The following NRXN3 variants were observed in gnomAD, a reference collection of about 807,000 sequenced individuals.
NRXN3 encodes neurexin III.
NRXN3 carries 32 observed loss-of-function variants against 137.6 expected under a neutral mutation model. That is an observed-to-expected ratio of 0.23 (90% CI 0.18 to 0.31). NRXN3 has a LOEUF of 0.31. NRXN3 is among the 10% of genes least tolerant of loss of function. The pLI is 1.00. For missense variants in NRXN3, 1,574 were observed against 2,062.5 expected (o/e 0.76, Z 4.59); for synonymous variants, 798 against 784.5 (o/e 1.02, Z -0.29).
intron 15 of NRXN3, among the ~76,000 whole-genome samples, chr14:79,276,426 G>A (rs965193428): frequency 6.6e-6 from 1 of 152,134 alleles, no homozygotes; most frequent in Non-Finnish European, 1.5e-5. Flanking sequence ...CCTCTGAAGA[G>A]TCTTCTCAGT....
chr14:79,042,092 C>T (rs1301525227), intron 15 of NRXN3, among the ~76,000 whole-genome samples: 2 of 152,160 alleles, frequency 1.3e-5, no homozygotes, highest in African/African-American at 2.4e-5. Flanking sequence ...AAAGGAAAGC[C>T]GGCCTTGTCA....
At position 78,655,763 on chromosome 14, in the gene NRXN3, C is replaced by G. The variant is rs368303190; in HGVS notation, c.1221+4437C>G. ...TAGATGAGCAATGTGTAAGTCCAGA[C>G]AGCTATTAAAAAGTATCATAGGCTG... On this transcript the variant is annotated intron_variant, in intron 6 of 20. Transcript: ENST00000335750. Among the ~76,000 whole-genome samples, 4 of 152,258 alleles carry G rather than the reference C, an allele frequency of 2.6e-5. No individual in the cohort carries two copies. The South Asian group carries it at 8.3e-4, about 32-fold the overall frequency.
intron 3 of NRXN3, among the ~76,000 whole-genome samples, chr14:78,295,264 A>G (rs2076203806): frequency 6.6e-6 from 1 of 152,028 alleles, no homozygotes; most frequent in Non-Finnish European, 1.5e-5. Flanking sequence ...ATTCATATCC[A>G]TTTTGCTTTA....
At chr14:78,659,375 T>TA (rs957046462) in intron 6 of NRXN3, among the ~76,000 whole-genome samples, 3 of 151,724 alleles carry the variant, frequency 2.0e-5, no homozygotes, top group Non-Finnish European at 2.9e-5. Flanking sequence ...GGGTTGACCA[T>TA]AAAAAAAAGA....
At chr14:78,738,597 G>A (rs1048283218) in intron 8 of NRXN3, among the ~76,000 whole-genome samples, 1 of 152,172 alleles carries the variant, frequency 6.6e-6, no homozygotes, top group South Asian at 2.1e-4. Flanking sequence ...CATGCTGTTT[G>A]TTGCACTGGC....
chr14:78,751,642 A>G (rs2098643006), intron 8 of NRXN3, among the ~76,000 whole-genome samples: 1 of 152,146 alleles, frequency 6.6e-6, no homozygotes, highest in Non-Finnish European at 1.5e-5. Context: ...TCTCTAATTA[A>G]GAGATTCCCA....
chr14:78,260,718 A>G (rs1477022154), intron 2 of NRXN3, among the ~76,000 whole-genome samples: 1 of 152,096 alleles, frequency 6.6e-6, no homozygotes, highest in Admixed American at 6.5e-5. Flanking sequence ...GCCATGTGAG[A>G]TGTGCCTTTC....
At chr14:79,280,225 T>C in intron 15 of NRXN3, 1 of 1,593,688 alleles carries the variant, frequency 6.3e-7, no homozygotes. Context: ...TTGGGCATCA[T>C]GAACTTCATT....
intron 8 of NRXN3, among the ~76,000 whole-genome samples, chr14:78,801,645 G>T (rs1190177436): frequency 1.3e-5 from 2 of 152,132 alleles, no homozygotes; most frequent in Non-Finnish European, 2.9e-5. Flanking sequence ...GATTTGGGTG[G>T]GGACACAGAG....
intron 8 of NRXN3, 37 bp from the exon 9 acceptor site, chr14:78,803,583 C>T (rs781059714): frequency 2.1e-5 from 34 of 1,597,720 alleles, no homozygotes; most frequent in Middle Eastern, 1.6e-4. Context: ...CTGTGACATC[C>T]GTCATCCTAA....
chr14:78,397,738 G>T (rs942727580), intron 4 of NRXN3, among the ~76,000 whole-genome samples: 1 of 151,698 alleles, frequency 6.6e-6, no homozygotes. Context: ...CAAGTAGCTG[G>T]AATTACAGGC....
intron 1 of NRXN3, among the ~76,000 whole-genome samples, chr14:78,234,994 T>TATA (rs2065986959): frequency 1.8e-5 from 2 of 108,784 alleles, no homozygotes; most frequent in Non-Finnish European, 3.8e-5. Context: ...ACAAATGCTT[T>TATA]TATATATATA....
At chr14:79,805,507 G>A (rs896173389) in intron 20 of NRXN3, among the ~76,000 whole-genome samples, 1 of 152,042 alleles carries the variant, frequency 6.6e-6, no homozygotes, top group Non-Finnish European at 1.5e-5. Flanking sequence ...ATGTGTAGGA[G>A]CCAGTGGCAG....
At chr14:79,345,670 T>G (rs987830707) in intron 15 of NRXN3, among the ~76,000 whole-genome samples, 1 of 152,112 alleles carries the variant, frequency 6.6e-6, no homozygotes, top group African/African-American at 2.4e-5. Flanking sequence ...AAGTGAATTC[T>G]CCCTCTGAGT....
At chr14:79,214,088 T>C (rs760824386) in intron 15 of NRXN3, among the ~76,000 whole-genome samples, 7 of 152,256 alleles carry the variant, frequency 4.6e-5, no homozygotes, top group African/African-American at 7.2e-5. Flanking sequence ...TCTGTCATAA[T>C]ATCTATTTTT....
At chr14:79,040,918 A>G (rs922125675) in intron 15 of NRXN3, among the ~76,000 whole-genome samples, 2 of 152,046 alleles carry the variant, frequency 1.3e-5, no homozygotes, top group African/African-American at 4.8e-5. Flanking sequence ...AGCCTTTCTT[A>G]TCTGTGTGGC....
At chr14:78,796,731 A>G (rs1172180221) in intron 8 of NRXN3, among the ~76,000 whole-genome samples, 11 of 152,190 alleles carry the variant, frequency 7.2e-5, no homozygotes, top group Non-Finnish European at 1.2e-4. Context: ...TTCTCAAGCC[A>G]TACACAGATG....
chr14:79,516,521 G>C (rs765278347), intron 16 of NRXN3, among the ~76,000 whole-genome samples: 49 of 152,116 alleles, frequency 3.2e-4, no homozygotes, highest in Non-Finnish European at 1.2e-4. Flanking sequence ...TTCTCTCCTG[G>C]CTATTATGAT....
At chr14:79,683,799 A>T (rs939958547) in intron 17 of NRXN3, among the ~76,000 whole-genome samples, 2 of 152,106 alleles carry the variant, frequency 1.3e-5, no homozygotes, top group Non-Finnish European at 2.9e-5. Context: ...TGCCTTATGT[A>T]TGTTTCCATA....
Sources: allele counts gnomAD v4.1 joint callset (sites outside exome capture counted in the v4.1 genomes callset), GRCh38; gene constraint gnomAD v4.1.1; transcripts MANE v1.5; gene names NCBI Gene and HGNC (gene_info 2026-07-23, HGNC 2026-07-21).